The following POLR2B variants were observed in gnomAD, a reference collection of about 807,000 sequenced individuals.
POLR2B encodes the protein RNA polymerase II subunit B.
POLR2B carries 57 observed loss-of-function variants against 144.6 expected under a neutral mutation model. The observed-to-expected ratio is 0.39, with a 90% CI of 0.32 to 0.49. The LOEUF (loss-of-function observed/expected upper bound fraction) is 0.49, where lower values mean the gene tolerates loss of function less well. Among genes scored for constraint, POLR2B ranks in the 20% least tolerant of loss-of-function variants. The pLI, the probability that POLR2B is intolerant of heterozygous loss-of-function variation, is 0.83. For missense variants in POLR2B, 595 were observed against 1,467.4 expected, an observed-to-expected ratio of 0.41 and a Z score of 9.71; for synonymous variants, 442 against 469.8, an observed-to-expected ratio of 0.94 and a Z score of 0.77.
intron 3 of POLR2B, 96 bp downstream of exon 3, chr4:56,990,994 T>C (rs889678254): frequency 3.0e-6 from 3 of 988,692 alleles, no homozygotes; most frequent in Admixed American, 6.1e-5. Flanking sequence ...AAAAAGTCAG[T>C]TGGAGCTTTT....
rs139613303 is a variant in POLR2B, at chr4:56,999,352, G to A, written c.736-265G>A. 4.1e-3 allele frequency among the ~76,000 whole-genome samples: 622 copies of A among 151,508 alleles called. 5 individuals carry two copies. The highest frequency in any genetic ancestry group is 0.015 in the African/African-American group (607 of 41,280). ...AAAGTGATTTCCAAATACAGTATTG[G>A]GTAATTCTGAGAGAATCTTGGCATG... On this transcript the variant is annotated intron_variant, in intron 6 of 24. Coordinates refer to ENST00000314595, the MANE Select transcript of POLR2B (RefSeq NM_000938.3).
intron 24 of POLR2B, 193 bp from the exon 25 acceptor site, chr4:57,030,705 TC>T (rs1391322261): frequency 3.5e-6 from 2 of 566,590 alleles, no homozygotes; most frequent in Admixed American, 3.2e-5. Context: ...ATAAATTATG[TC>T]TGGCAGAATG....
intron 1 of POLR2B, among the ~76,000 whole-genome samples, chr4:56,982,340 A>G (rs919688935): frequency 3.9e-5 from 6 of 152,070 alleles, no homozygotes; most frequent in African/African-American, 1.4e-4. Flanking sequence ...TGGATTGAAA[A>G]TATTAAAAAG....
chr4:56,996,206 A>G (rs73242627), intron 6 of POLR2B, among the ~76,000 whole-genome samples: 4,518 of 115,318 alleles, frequency 0.039, 98 homozygotes, highest in Non-Finnish European at 0.049. Flanking sequence ...ATTTCAGTTC[A>G]TGTGTGTGTG....
chr4:56,997,132 GA>G (rs1307361262), intron 6 of POLR2B, among the ~76,000 whole-genome samples: 11 of 152,112 alleles, frequency 7.2e-5, no homozygotes, highest in Non-Finnish European at 1.6e-4. Flanking sequence ...GTTTTATTGG[GA>G]ATACAAGCTT....
intron 4 of POLR2B, 36 bp from the exon 5 acceptor site, chr4:56,994,611 C>G: frequency 6.8e-7 from 1 of 1,477,628 alleles, no homozygotes. Context: ...AACAGATACC[C>G]TATTGCTTAA....
At position 57,003,140 on chromosome 4, in the gene POLR2B, A is replaced by G. The variant is rs193164952; in HGVS notation, c.901-2106A>G. ...GTCTCTTTCACAGTGTGTTTTTAAA[A>G]TAACCTTTGGGCTGGGTGCGGTGGC... On this transcript the variant is annotated intron_variant, in intron 7 of 24. Transcript: ENST00000314595. 4.1e-3 allele frequency among the ~76,000 whole-genome samples: 623 copies of G among 152,352 alleles called. 1 individual carries two copies. The highest frequency in any genetic ancestry group is 5.9e-3 in the Non-Finnish European group (404 of 68,036).
intron 23 of POLR2B, among the ~76,000 whole-genome samples, chr4:57,027,097 C>T (rs1394154074): frequency 6.6e-6 from 1 of 152,060 alleles, no homozygotes. Flanking sequence ...CAACCTCCGC[C>T]TCCCGGATTC....
intron 3 of POLR2B, among the ~76,000 whole-genome samples, 177 bp from the exon 4 acceptor site, chr4:56,994,227 A>C (rs1247108025): frequency 6.6e-6 from 1 of 152,214 alleles, no homozygotes; most frequent in Non-Finnish European, 1.5e-5. Context: ...TTAAAACTTA[A>C]CGTCTATGCA....
intron 13 of POLR2B, among the ~76,000 whole-genome samples, chr4:57,011,661 A>G (rs940748108): frequency 1.3e-5 from 2 of 152,110 alleles, no homozygotes; most frequent in Non-Finnish European, 2.9e-5. Context: ...TGTCTCTACT[A>G]AAAATACAAA....
chr4:56,993,946 C>T (rs149078196), intron 3 of POLR2B, among the ~76,000 whole-genome samples: 1 of 152,160 alleles, frequency 6.6e-6, no homozygotes, highest in Non-Finnish European at 1.5e-5. Flanking sequence ...GCACAAGAAA[C>T]TATGTAGATC....
intron 3 of POLR2B, among the ~76,000 whole-genome samples, chr4:56,992,213 A>G (rs948935574): frequency 6.6e-6 from 1 of 152,030 alleles, no homozygotes; most frequent in Non-Finnish European, 1.5e-5. Context: ...CTATAATTTT[A>G]GCACTTTGGG....
chr4:57,024,197 A>G lies in POLR2B; in HGVS notation c.2964+85A>G, dbSNP rs1723638927. 1.7e-5 allele frequency: 12 copies of G among 686,704 alleles called. No homozygotes were observed. The South Asian group carries it at 2.4e-4, about 14-fold the overall frequency. 42.5% of individuals were successfully genotyped at this position (686,704 alleles called of 1,614,324 possible). A position where few individuals can be genotyped will look rare whatever the true frequency, so the allele number is the denominator to read the frequency against. ...AGGTGATTGCTCTCACATTTGAGCCAGGGTACTTTGTAAAAAGCTAGTGTG... is the reference window on the plus strand; with the variant it reads ...AGGTGATTGCTCTCACATTTGAGCCGGGGTACTTTGTAAAAAGCTAGTGTG... On this transcript the variant is annotated intron_variant, in intron 21 of 24. Coordinates refer to ENST00000314595, the MANE Select transcript of POLR2B (RefSeq NM_000938.3).
chr4:57,027,486 T>C (rs900840361), intron 23 of POLR2B, among the ~76,000 whole-genome samples: 1 of 152,094 alleles, frequency 6.6e-6, no homozygotes, highest in African/African-American at 2.4e-5. Context: ...TTTATATTTT[T>C]TAGTAGAGAC....
intron 7 of POLR2B, among the ~76,000 whole-genome samples, chr4:57,001,068 A>T (rs180895202): frequency 6.6e-6 from 1 of 152,368 alleles, no homozygotes; most frequent in Admixed American, 6.5e-5. Flanking sequence ...CATTAATAGT[A>T]TATAGTAATT....
intron 9 of POLR2B, among the ~76,000 whole-genome samples, chr4:57,005,941 CT>C: frequency 6.6e-6 from 1 of 152,026 alleles, no homozygotes; most frequent in South Asian, 2.1e-4. Flanking sequence ...TTCTTTATTC[CT>C]CTGGTAGCTT....
At chr4:56,979,142 C>T (rs904089587) in intron 1 of POLR2B, 138 bp downstream of exon 1, 5 of 916,746 alleles carry the variant, frequency 5.5e-6, no homozygotes, top group African/African-American at 3.3e-5. Context: ...CTTACCAGGC[C>T]GGGAACGAAA....
At chr4:57,011,749 G>A (rs953902221) in intron 13 of POLR2B, among the ~76,000 whole-genome samples, 2 of 152,140 alleles carry the variant, frequency 1.3e-5, no homozygotes, top group Non-Finnish European at 2.9e-5. Context: ...CTTGAACCCA[G>A]GAGGCGGAGG....
intron 2 of POLR2B, 116 bp downstream of exon 2, chr4:56,986,542 A>G: frequency 1.7e-6 from 1 of 585,044 alleles, no homozygotes; most frequent in Non-Finnish European, 3.0e-6. Context: ...TATTTTATTT[A>G]TATATTTAAC....
Sources: allele counts gnomAD v4.1 joint callset (sites outside exome capture counted in the v4.1 genomes callset), GRCh38; gene constraint gnomAD v4.1.1; transcripts MANE v1.5; gene names NCBI Gene and HGNC (gene_info 2026-07-23, HGNC 2026-07-21).